Variants in SAMMSON observed in about 807,000 individuals in gnomAD.
SAMMSON encodes survival associated mitochondrial melanoma specific oncogenic non-coding RNA, also known as long intergenic non-protein coding RNA 1212.
intron 6 of SAMMSON, among the ~76,000 whole-genome samples, chr3:70,270,559 A>C (rs1701966585): frequency 6.6e-6 from 1 of 152,148 alleles, no homozygotes; most frequent in Non-Finnish European, 1.5e-5. Context: ...TCTTAGTCTG[A>C]GTTCAGTGTT....
intron 3 of SAMMSON, among the ~76,000 whole-genome samples, chr3:70,044,836 A>G (rs1442877423): frequency 1.3e-5 from 2 of 148,510 alleles, no homozygotes; most frequent in East Asian, 3.9e-4. Context: ...AATATTTTAT[A>G]TATTTTAAAT....
chr3:70,172,125 T>C (rs1700962200), intron 4 of SAMMSON, among the ~76,000 whole-genome samples: 1 of 151,970 alleles, frequency 6.6e-6, no homozygotes, highest in South Asian at 2.1e-4. Context: ...GAACTTTCTA[T>C]TGAGCTTCAT....
chr3:70,125,644 A>G (rs2067454806), intron 4 of SAMMSON: 3 of 699,612 alleles, frequency 4.3e-6, no homozygotes, highest in Non-Finnish European at 7.8e-6. Context: ...GTCGGTAGAT[A>G]TATGGAATTC....
intron 4 of SAMMSON, among the ~76,000 whole-genome samples, chr3:70,235,441 G>C (rs896835873): frequency 2.0e-5 from 3 of 152,132 alleles, no homozygotes; most frequent in African/African-American, 7.2e-5. Context: ...ACCTTTCAAA[G>C]CTCATGTGAT....
intron 6 of SAMMSON, among the ~76,000 whole-genome samples, chr3:70,268,561 G>A (rs1403981691): frequency 1.3e-5 from 2 of 151,662 alleles, no homozygotes; most frequent in African/African-American, 2.4e-5. Flanking sequence ...ACACTCCAAG[G>A]CCATAGTTCA....
At chr3:70,197,617 T>A (rs1701195122) in intron 4 of SAMMSON, among the ~76,000 whole-genome samples, 1 of 152,210 alleles carries the variant, frequency 6.6e-6, no homozygotes, top group Non-Finnish European at 1.5e-5. Context: ...CCCTGTTTCT[T>A]GTCACTAGGC....
At chr3:70,289,445 G>T (rs1274082853) in intron 6 of SAMMSON, among the ~76,000 whole-genome samples, 12 of 149,380 alleles carry the variant, frequency 8.0e-5, no homozygotes, top group Admixed American at 1.3e-4. Context: ...AGTCTGATGG[G>T]CTTCCCTTTG....
chr3:70,418,970 C>CTTTCT (rs374917823), intron 2 of SAMMSON, among the ~76,000 whole-genome samples: 1 of 86,738 alleles, frequency 1.2e-5, no homozygotes, highest in Non-Finnish European at 2.3e-5. Flanking sequence ...CTTTCCTTTC[C>CTTTCT]TTCCTTCCTT....
At position 70,285,743 on chromosome 3, in the gene SAMMSON, T is replaced by C. The variant is rs1032031501; in HGVS notation, n.675-5436T>C. ...TGTTGTTTCCTGACTTTTTAATGAT[T>C]GCCATTCTAACTGGTGTGAGATGGT... On this transcript the variant is annotated intron_variant and non_coding_transcript_variant, in intron 6 of 9. Coordinates refer to ENST00000642114, the Ensembl canonical transcript of SAMMSON. Among the ~76,000 whole-genome samples, 28 of 151,742 alleles carry C rather than the reference T, an allele frequency of 1.8e-4. 1 individual carries two copies. The East Asian group carries it at 3.1e-3, about 17-fold the overall frequency.
At chr3:70,276,166 T>C (rs1353274890) in intron 6 of SAMMSON, among the ~76,000 whole-genome samples, 3 of 152,186 alleles carry the variant, frequency 2.0e-5, no homozygotes, top group East Asian at 1.9e-4. Flanking sequence ...TCTAGAATAA[T>C]GTTAGGTATA....
At chr3:70,229,964 AT>A (rs543072173) in intron 4 of SAMMSON, among the ~76,000 whole-genome samples, 9 of 152,186 alleles carry the variant, frequency 5.9e-5, no homozygotes, top group Non-Finnish European at 1.3e-4. Context: ...AATATTTAAT[AT>A]TTATTGAATT....
At chr3:70,398,658 T>C (rs1477071260) in intron 2 of SAMMSON, among the ~76,000 whole-genome samples, 1 of 152,234 alleles carries the variant, frequency 6.6e-6, no homozygotes. Context: ...TCATAATTTT[T>C]GGAATCCTAA....
intron 7 of SAMMSON, among the ~76,000 whole-genome samples, chr3:70,341,948 G>T (rs1382229929): frequency 1.3e-5 from 2 of 152,138 alleles, no homozygotes; most frequent in African/African-American, 4.8e-5. Flanking sequence ...GGGAATCAAA[G>T]AAAGTATTAA....
At chr3:70,341,852 T>C (rs762793183) in intron 7 of SAMMSON, among the ~76,000 whole-genome samples, 1 of 152,184 alleles carries the variant, frequency 6.6e-6, no homozygotes, top group Non-Finnish European at 1.5e-5. Context: ...AAAAAAACTT[T>C]AAAAATATTG....
At chr3:70,367,611 T>C (rs983295464) in intron 9 of SAMMSON, among the ~76,000 whole-genome samples, 1 of 151,728 alleles carries the variant, frequency 6.6e-6, no homozygotes, top group Non-Finnish European at 1.5e-5. Context: ...TACATTTTCT[T>C]TATTCATTCA....
chr3:70,099,373 A>G, intron 4 of SAMMSON, among the ~76,000 whole-genome samples: 1 of 152,056 alleles, frequency 6.6e-6, no homozygotes, highest in Non-Finnish European at 1.5e-5. Flanking sequence ...TTTTGATTGC[A>G]CTCGGTATTG....
At chr3:70,230,455 A>C (rs1008696728) in intron 4 of SAMMSON, among the ~76,000 whole-genome samples, 1 of 151,890 alleles carries the variant, frequency 6.6e-6, no homozygotes, top group Non-Finnish European at 1.5e-5. Context: ...GGATCTCAAA[A>C]CCTCTATGAA....
chr3:70,056,072 C>A (rs749385897), intron 3 of SAMMSON, among the ~76,000 whole-genome samples: 2 of 152,026 alleles, frequency 1.3e-5, no homozygotes, highest in Non-Finnish European at 2.9e-5. Context: ...GCAGACTGAG[C>A]CAGAGCCCCA....
At chr3:70,297,163 C>G (rs1310643854) in intron 7 of SAMMSON, among the ~76,000 whole-genome samples, 2 of 152,048 alleles carry the variant, frequency 1.3e-5, no homozygotes, top group African/African-American at 4.8e-5. Flanking sequence ...CAGTACACTG[C>G]TTGTCAAATT....
Sources: allele counts gnomAD v4.1 joint callset (sites outside exome capture counted in the v4.1 genomes callset), GRCh38; gene constraint gnomAD v4.1.1; transcripts MANE v1.5; gene names NCBI Gene and HGNC (gene_info 2026-07-23, HGNC 2026-07-21).